Variants in STK31 observed in about 807,000 individuals in gnomAD.
STK31 encodes the protein serine/threonine kinase 31, also known as serine/threonine-protein kinase 31.
Under a neutral mutation model 129.7 loss-of-function variants are expected in STK31, and 89 were observed. The ratio of observed to expected loss-of-function variants is 0.69; its 90% CI spans 0.58 to 0.82. STK31 has a LOEUF of 0.82. STK31 is among the 40% of genes least tolerant of loss of function. The pLI is 0.00. For synonymous variants in STK31, 448 were observed against 395.3 expected (o/e 1.13, Z -1.58); for missense variants, 1,187 against 1,176.4 (o/e 1.01, Z -0.13).
intron 23 of STK31, among the ~76,000 whole-genome samples, 160 bp from the exon 24 acceptor site, chr7:23,831,976 T>C (rs1794578211): frequency 6.6e-6 from 1 of 152,146 alleles, no homozygotes; most frequent in Non-Finnish European, 1.5e-5. Flanking sequence ...CTCATTATTT[T>C]GGTGTTTTTT....
chr7:23,832,305 C>T lies in STK31; in HGVS notation c.2999C>T (p.Thr1000Met), dbSNP rs55794023. ...TATAAAAAGGAAGAAGAAATAAAGA[C>T]GGAGAACTTGGATAAATGTATGGAG... ...TLYKKEEEIK[T>M]ENLDKCMEKT... The change falls in exon 24 of 24, where the codon ACG (threonine) becomes ATG (methionine). Residue 1000 changes from threonine to methionine, a missense_variant. This residue lies in a region of STK31 where 975 missense variants were observed against 934.9 expected (regional missense o/e 1.04). Coordinates refer to ENST00000355870, the MANE Select transcript of STK31 (RefSeq NM_031414.5). The T allele has an allele frequency of 1.3e-3, 2,039 of 1,613,738 alleles. 3 individuals are homozygous for T. Among genetic ancestry groups the T allele is most frequent in the Non-Finnish European group, 1.6e-3 (1,849 of 1,179,918 alleles).
At chr7:23,760,346 T>A (rs1789386016) in intron 10 of STK31, among the ~76,000 whole-genome samples, 2 of 152,300 alleles carry the variant, frequency 1.3e-5, no homozygotes, top group South Asian at 4.1e-4. Flanking sequence ...CCTGACTGCC[T>A]CTGAATGAGA....
chr7:23,773,728 TGTGTGA>T (rs1288021079), intron 15 of STK31, among the ~76,000 whole-genome samples: 1 of 95,570 alleles, frequency 1.0e-5, no homozygotes, highest in Non-Finnish European at 2.2e-5. Flanking sequence ...TGTGTGTGTG[TGTGTGA>T]GTGTGTGTGT....
chr7:23,776,949 G>A (rs1224981413), intron 15 of STK31, among the ~76,000 whole-genome samples: 9 of 152,152 alleles, frequency 5.9e-5, no homozygotes, highest in South Asian at 4.1e-4. Flanking sequence ...GCTTTCACCT[G>A]TGGGCATTTA....
rs2128072244 is a variant in STK31 at position 23,727,411 on chromosome 7, AG to A, written c.324+97del. The A allele has an allele frequency of 1.5e-5, 15 of 973,706 alleles. No individual in the cohort carries two copies. In the South Asian group the frequency reaches 2.1e-4, roughly 14 times the overall value. The allele number at this position is 973,706 out of a possible 1,614,324, so 60.3% of individuals were successfully genotyped here. On this transcript the variant is annotated intron_variant, in intron 5 of 23. Transcript: ENST00000355870. Reference sequence around the variant, plus strand: ...ATTTAGCCCTTCATTGCTTATTCGTAGTACTGATACCTGGTTCAGTGATTAA... The same window carrying A: ...ATTTAGCCCTTCATTGCTTATTCGTATACTGATACCTGGTTCAGTGATTAA...
intron 8 of STK31, among the ~76,000 whole-genome samples, chr7:23,751,467 G>A (rs565131543): frequency 6.6e-6 from 1 of 152,252 alleles, no homozygotes; most frequent in East Asian, 1.9e-4. Flanking sequence ...ATTGACATTT[G>A]TTTCATTACC....
intron 22 of STK31, among the ~76,000 whole-genome samples, chr7:23,808,310 C>T (rs961810767): frequency 1.3e-5 from 2 of 151,864 alleles, no homozygotes; most frequent in African/African-American, 4.8e-5. Context: ...CTCCTTGCTG[C>T]TGACAGATGG....
At chr7:23,810,731 G>GTT (rs1793054221) in intron 22 of STK31, among the ~76,000 whole-genome samples, 1 of 63,646 alleles carries the variant, frequency 1.6e-5, no homozygotes. Flanking sequence ...ATATAAAATA[G>GTT]ATATATATAA....
intron 15 of STK31, among the ~76,000 whole-genome samples, chr7:23,774,002 G>T (rs113089071): frequency 1.3e-5 from 2 of 150,472 alleles, no homozygotes; most frequent in African/African-American, 4.9e-5. Context: ...CCATTGTTCA[G>T]TTCCCACCTA....
At chr7:23,743,510 A>G (rs1788174513) in intron 8 of STK31, among the ~76,000 whole-genome samples, 2 of 152,110 alleles carry the variant, frequency 1.3e-5, no homozygotes, top group South Asian at 4.1e-4. Flanking sequence ...AGTTAATCTG[A>G]TGGGGGTTTC....
At chr7:23,799,163 A>G (rs1792207411) in intron 22 of STK31, among the ~76,000 whole-genome samples, 1 of 152,184 alleles carries the variant, frequency 6.6e-6, no homozygotes, top group Non-Finnish European at 1.5e-5. Flanking sequence ...AAAGGGCCAT[A>G]CTACTCAAAG....
chr7:23,735,939 T>A (rs1485507601), intron 7 of STK31, 43 bp downstream of exon 7: 1 of 1,460,978 alleles, frequency 6.8e-7, no homozygotes, highest in Non-Finnish European at 9.2e-7. Context: ...ATGGTAGAGG[T>A]CCCTGTCATA....
chr7:23,814,887 C>T (rs1196934221), intron 22 of STK31, among the ~76,000 whole-genome samples: 2 of 152,012 alleles, frequency 1.3e-5, no homozygotes, highest in Admixed American at 6.6e-5. Flanking sequence ...AGTTCTAACA[C>T]GTTTTCTTAT....
rs1379735963 is a variant in STK31, at chr7:23,769,105, C to T, written c.1527C>T (p.Phe509=). ...YDWKCDKREE[F]TSVRSETDAS... ...GGAAGTGTGATAAAAGAGAGGAGTT[C>T]ACCAGTGTTAGAAGTGAAACAGACG... Residue 509 remains phenylalanine (F), a synonymous_variant, in exon 12 of 24, where the codon TTC becomes TTT. Coordinates refer to ENST00000355870, the MANE Select transcript of STK31 (RefSeq NM_031414.5). The T allele has an allele frequency of 6.2e-7, 1 of 1,613,050 alleles. No individual in the cohort carries two copies. Among genetic ancestry groups the T allele is most frequent in the African/African-American group, 1.3e-5 (1 of 74,984 alleles).
In STK31 at chr7:23,737,003, A is replaced by C. The variant is rs776685438; in HGVS notation, c.942A>C (p.Lys314Asn). 6.2e-7 allele frequency: 1 copy of C among 1,613,600 alleles called. No individual in the cohort carries two copies. Among genetic ancestry groups the C allele is most frequent in the Admixed American group, 1.7e-5 (1 of 59,978 alleles). The change falls in exon 8 of 24, where the codon AAA (lysine) becomes AAC (asparagine). Residue 314 changes from lysine to asparagine, a missense_variant. This residue lies in a region of STK31 where 975 missense variants were observed against 934.9 expected (regional missense o/e 1.04). Coordinates refer to ENST00000355870, the MANE Select transcript of STK31 (RefSeq NM_031414.5). Reference sequence around the variant, plus strand: ...TGATTGAAGAAAATGAAAAACTTAAAACAGAGAAGGACGCTCTTCTTGAAA... The same window carrying C: ...TGATTGAAGAAAATGAAAAACTTAACACAGAGAAGGACGCTCTTCTTGAAA... Reference protein sequence around the residue: ...QKLIEENEKLKTEKDALLESY... With the variant: ...QKLIEENEKLNTEKDALLESY...
chr7:23,814,458 G>A (rs538441368), intron 22 of STK31, among the ~76,000 whole-genome samples: 1 of 152,036 alleles, frequency 6.6e-6, no homozygotes, highest in South Asian at 2.1e-4. Flanking sequence ...TAGGTATTTT[G>A]TATAAAAGTA....
At chr7:23,710,110 C>G (rs1021493321), upstream of STK31, 1 of 1,090,762 alleles carries the variant, frequency 9.2e-7, no homozygotes, top group Non-Finnish European at 1.3e-6. Flanking sequence ...CAGCGTCAGG[C>G]GGCTCCCGCA....
At chr7:23,727,524 A>G (rs1232031297) in intron 5 of STK31, 1 of 231,360 alleles carries the variant, frequency 4.3e-6, no homozygotes, top group Non-Finnish European at 8.0e-6. Flanking sequence ...TATGTAGGTT[A>G]TTTTTGGTGA....
chr7:23,830,043 G>A (rs989991048), intron 23 of STK31, among the ~76,000 whole-genome samples: 32 of 152,124 alleles, frequency 2.1e-4, no homozygotes, highest in Admixed American at 4.6e-4. Flanking sequence ...TCCGCCTCCC[G>A]GGTTCATGCC....
Sources: gnomAD v4.1 joint callset for allele counts (sites outside exome capture counted in the v4.1 genomes callset) on GRCh38, gnomAD v4.1.1 for gene constraint, gnomAD v4.1.1 regional missense constraint, MANE v1.5 for transcripts, NCBI Gene and HGNC (gene_info 2026-07-23, HGNC 2026-07-21) for gene names.